RHOH: variants seen among roughly 807,000 people sequenced by gnomAD.
RHOH encodes the protein ras homolog family member H, also known as rho-related GTP-binding protein RhoH.
RHOH carries 6 observed loss-of-function variants against 13.8 expected under a neutral mutation model. That is an observed-to-expected ratio of 0.44 (90% CI 0.24 to 0.86). RHOH has a LOEUF of 0.86. RHOH is among the 40% of genes least tolerant of loss of function. The pLI, the probability that RHOH is intolerant of heterozygous loss-of-function variation, is 0.24. For missense variants in RHOH, 147 were observed against 244.5 expected (o/e 0.60, Z 2.66); for synonymous variants, 117 against 103.0 (o/e 1.14, Z -0.82).
intron 1 of RHOH, among the ~76,000 whole-genome samples, chr4:40,203,649 C>T (rs1012926676): frequency 1.3e-5 from 2 of 152,080 alleles, no homozygotes; most frequent in Non-Finnish European, 2.9e-5. Flanking sequence ...AGAGAAAGCC[C>T]AGAGGGACAA....
intron 1 of RHOH, among the ~76,000 whole-genome samples, chr4:40,214,969 C>T (rs1477172067): frequency 6.6e-6 from 1 of 152,048 alleles, no homozygotes; most frequent in Non-Finnish European, 1.5e-5. Flanking sequence ...TTCTCATGGT[C>T]AGCAAATGAA....
upstream of RHOH, chr4:40,193,212 A>G (rs1391058883): frequency 6.6e-6 from 1 of 152,402 alleles, no homozygotes; most frequent in Non-Finnish European, 1.5e-5. Flanking sequence ...GGTGGTGGCT[A>G]CAGATGGCTT....
Position 40,243,150 on chromosome 4 carries a change from C to T in RHOH, c.-209-28C>T. The T allele has an allele frequency of 2.3e-6, 1 of 428,760 alleles. No individual in the cohort carries two copies. The highest frequency in any genetic ancestry group is 4.1e-6 in the Non-Finnish European group (1 of 241,010). 26.6% of individuals were successfully genotyped at this position (428,760 alleles called of 1,614,324 possible). A position where few individuals can be genotyped will look rare whatever the true frequency, so the allele number is the denominator to read the frequency against. On this transcript the variant is annotated intron_variant, in intron 2 of 2. Coordinates refer to ENST00000381799, the MANE Select transcript of RHOH (RefSeq NM_004310.5). The surrounding 1 kb of genome is among the most constrained non-coding windows in gnomAD (Gnocchi z 6.2). ...AAAGGCAAGAAAGAAAGAAAGACTT[C>T]ATTTTCCCCCTTCTCTTTCTGTTCC...
intron 1 of RHOH, among the ~76,000 whole-genome samples, chr4:40,210,468 G>A (rs1725142265): frequency 6.6e-6 from 1 of 152,150 alleles, no homozygotes; most frequent in African/African-American, 2.4e-5. Context: ...GGATGAGTTG[G>A]CAGTGGTTGT....
intron 1 of RHOH, among the ~76,000 whole-genome samples, chr4:40,228,743 T>C (rs1727541219): frequency 6.6e-6 from 1 of 152,130 alleles, no homozygotes; most frequent in Non-Finnish European, 1.5e-5. Context: ...GATAGAAACC[T>C]CCAAAGCCCC....
chr4:40,222,236 T>C (rs949480353), intron 1 of RHOH, among the ~76,000 whole-genome samples: 4 of 152,186 alleles, frequency 2.6e-5, no homozygotes, highest in Admixed American at 2.6e-4. Context: ...CTAAGGTCAT[T>C]GATGAAGGTG....
chr4:40,234,744 CTTTTTTTTTTTT>C (rs549802852), intron 1 of RHOH, among the ~76,000 whole-genome samples: 3 of 101,066 alleles, frequency 3.0e-5, no homozygotes, highest in Non-Finnish European at 5.6e-5. Flanking sequence ...AAATCAGCAT[CTTTTTTTTTTTT>C]TTTTTTTTTT....
chr4:40,205,277 T>A (rs1242474419), intron 1 of RHOH, among the ~76,000 whole-genome samples: 1 of 152,096 alleles, frequency 6.6e-6, no homozygotes, highest in African/African-American at 2.4e-5. Flanking sequence ...GAAAAAGAAA[T>A]GCAGGCAGGT....
chr4:40,239,612 C>A (rs961718165), intron 1 of RHOH, among the ~76,000 whole-genome samples: 1 of 152,204 alleles, frequency 6.6e-6, no homozygotes, highest in African/African-American at 2.4e-5. Context: ...GGCACAGTGG[C>A]TCACGCCTGT....
intron 1 of RHOH, among the ~76,000 whole-genome samples, chr4:40,239,760 C>T (rs1729025429): frequency 6.6e-6 from 1 of 152,074 alleles, no homozygotes; most frequent in Non-Finnish European, 1.5e-5. Flanking sequence ...TGCCTGTAAT[C>T]CCAGCTACTC....
rs772482266 is a variant in RHOH at position 40,243,776 on chromosome 4, C to T, written c.390C>T (p.Cys130=). The part of the protein sequence containing the change: ...QREMGPHRAS[C]VNAMEGKKLA... ...AGATGGGGCCCCACAGGGCCTCCTG[C>T]GTCAATGCCATGGAAGGGAAGAAAC... Residue 130 remains cysteine, a synonymous_variant, in exon 3 of 3, where the codon TGC becomes TGT. Transcript: ENST00000381799. The surrounding 1 kb of genome is among the most constrained non-coding windows in gnomAD (Gnocchi z 6.2). The T allele has an allele frequency of 3.7e-6, 6 of 1,613,878 alleles. No individual in the cohort carries two copies. The highest frequency in any genetic ancestry group is 2.2e-5 in the South Asian group (2 of 91,088).
chr4:40,238,539 T>C (rs1167422978), intron 1 of RHOH, among the ~76,000 whole-genome samples: 1 of 152,224 alleles, frequency 6.6e-6, no homozygotes, highest in East Asian at 1.9e-4. Flanking sequence ...CTGTTGCTTT[T>C]GCAACGTGAA....
At chr4:40,199,226 AC>A (rs200462794) in intron 1 of RHOH, among the ~76,000 whole-genome samples, 1,559 of 151,944 alleles carry the variant, frequency 0.01, 23 homozygotes, top group African/African-American at 0.036. Context: ...CTAGTGCCTG[AC>A]TGAAAAAAAA....
intron 1 of RHOH, among the ~76,000 whole-genome samples, chr4:40,223,155 G>C (rs1423230676): frequency 2.0e-5 from 3 of 152,216 alleles, no homozygotes; most frequent in Non-Finnish European, 4.4e-5. Context: ...TGAATATACT[G>C]TGAAAACTGT....
chr4:40,232,617 A>C (rs1320348872), intron 1 of RHOH, among the ~76,000 whole-genome samples: 1 of 152,118 alleles, frequency 6.6e-6, no homozygotes, highest in African/African-American at 2.4e-5. Context: ...TTTTAACTGG[A>C]GTCAGCTGGA....
chr4:40,228,227 A>G, intron 1 of RHOH, among the ~76,000 whole-genome samples: 1 of 152,206 alleles, frequency 6.6e-6, no homozygotes, highest in East Asian at 1.9e-4. Context: ...CTGCATATAA[A>G]GTATGGTATT....
At chr4:40,234,125 T>C (rs1273163247) in intron 1 of RHOH, among the ~76,000 whole-genome samples, 3 of 152,074 alleles carry the variant, frequency 2.0e-5, no homozygotes, top group Non-Finnish European at 2.9e-5. Context: ...GCTCTCTTTT[T>C]CCTAGAACAG....
At position 40,198,295 on chromosome 4, in the gene RHOH, C is replaced by T. The variant is rs148615128; in HGVS notation, c.-331+995C>T. Among the ~76,000 whole-genome samples the T allele has an allele frequency of 2.2e-3, 329 of 152,248 alleles. 1 individual carries two copies. Among genetic ancestry groups the T allele is most frequent in the African/African-American group, 7.6e-3 (316 of 41,540 alleles). ...ACTGGGAGGACCTTGTGGGCAAAGGCACAAAGGCGAGACTGACCTGGAGAT... is the reference window on the plus strand; with the variant it reads ...ACTGGGAGGACCTTGTGGGCAAAGGTACAAAGGCGAGACTGACCTGGAGAT... On this transcript the variant is annotated intron_variant, in intron 1 of 2. Coordinates refer to ENST00000381799, the MANE Select transcript of RHOH (RefSeq NM_004310.5).
At chr4:40,201,859 T>G (rs1432233599) in intron 1 of RHOH, among the ~76,000 whole-genome samples, 2 of 152,038 alleles carry the variant, frequency 1.3e-5, no homozygotes, top group African/African-American at 2.4e-5. Flanking sequence ...CATGAACATA[T>G]TCACTGTATT....
Sources: allele counts gnomAD v4.1 joint callset (sites outside exome capture counted in the v4.1 genomes callset), GRCh38; gene constraint gnomAD v4.1.1; non-coding constraint Gnocchi (gnomAD v3.1); transcripts MANE v1.5; gene names NCBI Gene and HGNC (gene_info 2026-07-23, HGNC 2026-07-21).